The following LRTM3 variants were observed in gnomAD, a reference collection of about 807,000 sequenced individuals.
The protein encoded by LRTM3 is leucine-rich repeat transmembrane protein 3.
At chr13:102,745,883 T>A in the LRTM3 span, 1 of 1,551,146 alleles carries the variant, frequency 6.4e-7, no homozygotes, top group Non-Finnish European at 8.7e-7. Context: ...TTGTGTAAAA[T>A]GTGTTTGTGG....
At chr13:102,747,929 C>G in the LRTM3 span, 1 of 1,551,268 alleles carries the variant, frequency 6.4e-7, no homozygotes, top group East Asian at 2.4e-5. Context: ...GAACCTGAAG[C>G]CTTGTGTCAG....
the LRTM3 span, among the ~76,000 whole-genome samples, chr13:102,751,382 CACACACAT>C: frequency 6.2e-5 from 9 of 144,308 alleles, no homozygotes; most frequent in Non-Finnish European, 1.4e-4. Context: ...CACACACACA[CACACACAT>C]ATCCTACTGG....
At chr13:102,740,795 T>C in the LRTM3 span, 5 of 1,549,250 alleles carry the variant, frequency 3.2e-6, no homozygotes, top group Admixed American at 7.9e-5. Flanking sequence ...TCCTTTTGTA[T>C]TTGAAGTGAG....
the LRTM3 span, among the ~76,000 whole-genome samples, chr13:102,756,692 A>C: frequency 2.1e-3 from 220 of 103,382 alleles, no homozygotes; most frequent in Non-Finnish European, 3.5e-3. Flanking sequence ...AAAAAAAAAA[A>C]AAACAAAAAA....
the LRTM3 span, chr13:102,737,446 C>T: frequency 6.4e-7 from 1 of 1,550,790 alleles, no homozygotes. Flanking sequence ...CATCCCTTTT[C>T]TCTTGCTCTG....
At chr13:102,729,622 CAGTG>C in the LRTM3 span, 1 of 1,547,782 alleles carries the variant, frequency 6.5e-7, no homozygotes, top group Non-Finnish European at 8.7e-7. Context: ...GTATAACCTC[CAGTG>C]AGTCTGCCGG....
At chr13:102,733,637 A>G in the LRTM3 span, 1 of 1,551,180 alleles carries the variant, frequency 6.4e-7, no homozygotes, top group African/African-American at 1.4e-5. Flanking sequence ...TTTGTATTTT[A>G]CAGGCTGAGC....
chr13:102,755,961 A>T, the LRTM3 span, among the ~76,000 whole-genome samples: 1,925 of 53,310 alleles, frequency 0.036, 52 homozygotes, highest in African/African-American at 0.1. Context: ...ATATATATAT[A>T]TTTTTTTTTT....
At chr13:102,744,295 T>A in the LRTM3 span, 1 of 1,550,510 alleles carries the variant, frequency 6.4e-7, no homozygotes, top group Middle Eastern at 1.7e-4. Context: ...CATATTCAGA[T>A]GACATGAGGC....
At chr13:102,757,833 A>G in the LRTM3 span, among the ~76,000 whole-genome samples, 3 of 152,232 alleles carry the variant, frequency 2.0e-5, no homozygotes, top group Non-Finnish European at 4.4e-5. Context: ...GCTTCTTGAG[A>G]ACAGAGACTA....
At chr13:102,749,174 G>A in the LRTM3 span, 1 of 1,550,476 alleles carries the variant, frequency 6.4e-7, no homozygotes, top group Non-Finnish European at 8.7e-7. Flanking sequence ...GTGACATACT[G>A]TGATTTGAAA....
the LRTM3 span, chr13:102,732,960 C>T: frequency 1.7e-5 from 27 of 1,551,288 alleles, no homozygotes; most frequent in East Asian, 2.9e-4. Context: ...AATTCCAGAA[C>T]ACCTTCCTCT....
chr13:102,736,337 A>G, the LRTM3 span: 1 of 1,551,070 alleles, frequency 6.4e-7, no homozygotes. Flanking sequence ...GATGCTGAAC[A>G]CTTGTGGAGG....
chr13:102,744,259 A>G, the LRTM3 span: 6 of 1,550,252 alleles, frequency 3.9e-6, no homozygotes, highest in African/African-American at 8.2e-5. Context: ...TCTTGCCTAT[A>G]AACTCTAATG....
At chr13:102,730,946 G>A in the LRTM3 span, 14 of 1,551,332 alleles carry the variant, frequency 9.0e-6, no homozygotes, top group South Asian at 1.2e-5. Flanking sequence ...GTTAGATAAG[G>A]GTTTCTTTCT....
the LRTM3 span, among the ~76,000 whole-genome samples, chr13:102,756,498 C>T: frequency 6.6e-6 from 1 of 151,108 alleles, no homozygotes; most frequent in East Asian, 2.0e-4. Context: ...CATGGTGAAA[C>T]CGCATCTCTA....
At chr13:102,754,205 CAAAAA>C in the LRTM3 span, among the ~76,000 whole-genome samples, 8 of 77,324 alleles carry the variant, frequency 1.0e-4, no homozygotes, top group Admixed American at 1.4e-4. Flanking sequence ...ACTCCATCTC[CAAAAA>C]AAAAAAAAAA....
At chr13:102,749,781 G>C in the LRTM3 span, 2 of 1,551,174 alleles carry the variant, frequency 1.3e-6, no homozygotes, top group Admixed American at 2.0e-5. Context: ...CCTTGATTCT[G>C]AAAAGCATTT....
the LRTM3 span, chr13:102,731,078 T>C: frequency 1.3e-6 from 2 of 1,551,310 alleles, no homozygotes; most frequent in South Asian, 2.4e-5. Flanking sequence ...TACTGAGTGG[T>C]TTTGGAGGGT....
Sources: gnomAD v4.1 joint callset for allele counts (sites outside exome capture counted in the v4.1 genomes callset) on GRCh38, gnomAD v4.1.1 for gene constraint, MANE v1.5 for transcripts, NCBI Gene and HGNC (gene_info 2026-07-23, HGNC 2026-07-21) for gene names.